Variants in PLCXD3 observed in about 807,000 individuals in gnomAD.
PLCXD3 encodes the protein PI-PLC X domain-containing protein 3.
Under a neutral mutation model 25.5 loss-of-function variants are expected in PLCXD3, and 19 were observed. That is an observed-to-expected ratio of 0.75 (90% CI 0.52 to 1.09). The LOEUF is 1.09. Among genes scored for constraint, PLCXD3 ranks in the 50% least tolerant of loss-of-function variants. PLCXD3 has a pLI of 0.00. For missense variants in PLCXD3, 411 were observed against 388.1 expected, an observed-to-expected ratio of 1.06 and a Z score of -0.50; for synonymous variants, 174 against 137.6, an observed-to-expected ratio of 1.26 and a Z score of -1.85.
At chr5:41,466,957 T>C (rs1286735998) in intron 1 of PLCXD3, among the ~76,000 whole-genome samples, 2 of 152,296 alleles carry the variant, frequency 1.3e-5, no homozygotes, top group South Asian at 2.1e-4. Context: ...TATTCATACA[T>C]TGATAGACAC....
At chr5:41,508,937 G>T (rs1284026117) in intron 1 of PLCXD3, among the ~76,000 whole-genome samples, 10 of 152,146 alleles carry the variant, frequency 6.6e-5, no homozygotes, top group Non-Finnish European at 1.0e-4. Flanking sequence ...GAGAAGCTGG[G>T]GTTGGTTCTT....
chr5:41,409,009 T>A (rs777594301), intron 1 of PLCXD3, among the ~76,000 whole-genome samples: 16 of 152,156 alleles, frequency 1.1e-4, no homozygotes, highest in Non-Finnish European at 2.4e-4. Context: ...AAAAAGGACA[T>A]GTCTGTTGGC....
intron 1 of PLCXD3, among the ~76,000 whole-genome samples, chr5:41,414,490 A>G (rs1023471816): frequency 6.6e-6 from 1 of 152,222 alleles, no homozygotes; most frequent in Admixed American, 6.5e-5. Context: ...GTGGTCTTTA[A>G]TTGTACTGCG....
intron 2 of PLCXD3, among the ~76,000 whole-genome samples, chr5:41,325,087 G>T (rs534286536): frequency 6.6e-6 from 1 of 152,206 alleles, no homozygotes; most frequent in Admixed American, 6.5e-5. Flanking sequence ...TCCCCACGGA[G>T]AGGTTAGGAG....
intron 1 of PLCXD3, among the ~76,000 whole-genome samples, chr5:41,504,668 TA>T (rs1016519800): frequency 3.3e-5 from 5 of 152,144 alleles, no homozygotes; most frequent in Non-Finnish European, 7.3e-5. Flanking sequence ...ATTTTGGGGA[TA>T]AAACTATGGA....
intron 1 of PLCXD3, among the ~76,000 whole-genome samples, chr5:41,431,282 G>A (rs1434693476): frequency 1.3e-5 from 2 of 152,194 alleles, no homozygotes; most frequent in African/African-American, 2.4e-5. Flanking sequence ...GTTTTGAATA[G>A]GAATGAGACT....
At chr5:41,386,509 G>T (rs972006387) in intron 1 of PLCXD3, among the ~76,000 whole-genome samples, 1 of 151,864 alleles carries the variant, frequency 6.6e-6, no homozygotes, top group Non-Finnish European at 1.5e-5. Flanking sequence ...TAATCCCTCC[G>T]CTTGAGTTTC....
intron 2 of PLCXD3, among the ~76,000 whole-genome samples, chr5:41,373,719 G>T (rs1360861836): frequency 6.6e-6 from 1 of 151,968 alleles, no homozygotes; most frequent in Non-Finnish European, 1.5e-5. Context: ...CATCTTGTTT[G>T]AAATTAGCAC....
intron 1 of PLCXD3, among the ~76,000 whole-genome samples, chr5:41,427,581 A>G (rs1746991244): frequency 6.6e-6 from 1 of 152,168 alleles, no homozygotes; most frequent in Non-Finnish European, 1.5e-5. Flanking sequence ...GTGGTTGCTA[A>G]TGTTCCAGCA....
chr5:41,348,639 T>TTTTGTTTG lies in PLCXD3; in HGVS notation c.812+33179_812+33186dup, dbSNP rs201779637. ...ACAAATACAGAAAATTACTGAGTTTTTTTGTTTGTTTGTTTGTTTGTTTGT... is the reference window on the plus strand; with the variant it reads ...ACAAATACAGAAAATTACTGAGTTTTTTTGTTTGTTTGTTTGTTTGTTTGTTTGTTTGT... On this transcript the variant is annotated intron_variant, in intron 2 of 2. Coordinates refer to ENST00000377801, the MANE Select transcript of PLCXD3 (RefSeq NM_001005473.3). 3.9e-5 allele frequency among the ~76,000 whole-genome samples: 6 copies of TTTTGTTTG among 152,112 alleles called. No homozygotes were observed. In the East Asian group the frequency reaches 5.8e-4, roughly 15 times the overall value.
intron 1 of PLCXD3, among the ~76,000 whole-genome samples, chr5:41,421,823 G>A (rs1170820044): frequency 6.6e-6 from 1 of 152,180 alleles, no homozygotes; most frequent in African/African-American, 2.4e-5. Context: ...TCAAACATAA[G>A]TCAACTCAGG....
intron 2 of PLCXD3, among the ~76,000 whole-genome samples, chr5:41,328,110 A>G (rs1040486665): frequency 6.6e-6 from 1 of 152,196 alleles, no homozygotes; most frequent in African/African-American, 2.4e-5. Context: ...GACTGTTTCT[A>G]TTCAGGTTTA....
intron 1 of PLCXD3, among the ~76,000 whole-genome samples, chr5:41,507,309 A>G (rs980907537): frequency 6.6e-6 from 1 of 152,210 alleles, no homozygotes. Flanking sequence ...ACGAATTAAA[A>G]CTTAAGTTTA....
chr5:41,472,781 CAGGGGATTCATT>C (rs1425087728), intron 1 of PLCXD3, among the ~76,000 whole-genome samples: 2 of 152,162 alleles, frequency 1.3e-5, no homozygotes, highest in African/African-American at 4.8e-5. Flanking sequence ...GCTCAATACT[CAGGGGATTCATT>C]AGTTGACCAA....
intron 1 of PLCXD3, among the ~76,000 whole-genome samples, chr5:41,473,833 A>G (rs550247738): frequency 5.9e-5 from 9 of 152,302 alleles, no homozygotes; most frequent in African/African-American, 1.9e-4. Context: ...GAAGCAGCCC[A>G]CAGAGGTAAC....
intron 1 of PLCXD3, among the ~76,000 whole-genome samples, chr5:41,415,892 T>C (rs1334615481): frequency 6.6e-6 from 1 of 152,112 alleles, no homozygotes; most frequent in Non-Finnish European, 1.5e-5. Flanking sequence ...ACTGTGTGGA[T>C]AGGATGTAGG....
chr5:41,338,535 C>A (rs1414196917), intron 2 of PLCXD3, among the ~76,000 whole-genome samples: 2 of 152,008 alleles, frequency 1.3e-5, no homozygotes, highest in East Asian at 3.9e-4. Context: ...ATTGCAGTTT[C>A]TTTTCAAGGG....
At chr5:41,355,465 C>T (rs987826645) in intron 2 of PLCXD3, among the ~76,000 whole-genome samples, 1 of 152,174 alleles carries the variant, frequency 6.6e-6, no homozygotes, top group South Asian at 2.1e-4. Context: ...AATCCAACCC[C>T]TATGCTCCTG....
At chr5:41,457,161 A>G (rs902207940) in intron 1 of PLCXD3, among the ~76,000 whole-genome samples, 8 of 151,952 alleles carry the variant, frequency 5.3e-5, no homozygotes, top group African/African-American at 1.9e-4. Context: ...ATTCTGTTGG[A>G]TAATGAACTT....
Sources: allele counts gnomAD v4.1 joint callset (sites outside exome capture counted in the v4.1 genomes callset), GRCh38; gene constraint gnomAD v4.1.1; transcripts MANE v1.5; gene names NCBI Gene and HGNC (gene_info 2026-07-23, HGNC 2026-07-21).